The following CARF variants were observed in gnomAD, a reference collection of about 807,000 sequenced individuals.
The protein encoded by CARF is calcium-responsive transcription factor.
A neutral mutation model predicts 82.0 loss-of-function variants in CARF; 57 were observed. The observed-to-expected ratio is 0.70, with a 90% CI of 0.56 to 0.87. The LOEUF (loss-of-function observed/expected upper bound fraction) is 0.87. Ranked by LOEUF, CARF falls within the 40% of genes least tolerant of loss-of-function variation. The pLI is 0.00. For synonymous variants in CARF, 268 were observed against 290.1 expected, an observed-to-expected ratio of 0.92 and a Z score of 0.77; for missense variants, 771 against 855.8, an observed-to-expected ratio of 0.90 and a Z score of 1.24.
intron 16 of CARF, among the ~76,000 whole-genome samples, chr2:202,982,988 C>T (rs546261325): frequency 7.2e-5 from 11 of 152,226 alleles, no homozygotes; most frequent in Non-Finnish European, 4.4e-5. Flanking sequence ...TTGGTTCAAG[C>T]GATCTTCCCA....
rs150256081 is a variant in CARF, at chr2:202,944,661, A to G, written c.306+1694A>G. Among the ~76,000 whole-genome samples the G allele has an allele frequency of 9.7e-3, 1,470 of 152,328 alleles. 30 individuals carry two copies. The highest frequency in any genetic ancestry group is 0.034 in the African/African-American group (1,412 of 41,568). ...CCATACTGCATCACCGGCAGAGGTT[A>G]ATATTCAACAAATAATTTAAATGTT... On this transcript the variant is annotated intron_variant, in intron 5 of 16. Transcript: ENST00000438828.
At chr2:202,940,639 C>T (rs750439743) in intron 3 of CARF, among the ~76,000 whole-genome samples, 2 of 152,186 alleles carry the variant, frequency 1.3e-5, no homozygotes, top group Non-Finnish European at 2.9e-5. Flanking sequence ...TTACACTCTT[C>T]ACCCAGAACC....
chr2:202,961,192 T>C (rs1274184120), intron 8 of CARF, 45 bp from the exon 9 acceptor site: 1 of 1,461,898 alleles, frequency 6.8e-7, no homozygotes, highest in African/African-American at 1.4e-5. Flanking sequence ...TATTATGCAA[T>C]GAAGTGTATT....
intron 3 of CARF, among the ~76,000 whole-genome samples, chr2:202,937,420 C>T (rs1385973129): frequency 6.6e-6 from 1 of 151,650 alleles, no homozygotes; most frequent in Non-Finnish European, 1.5e-5. Context: ...TCAAGCATCT[C>T]AGGACTTTTT....
intron 9 of CARF, 200 bp downstream of exon 9, chr2:202,961,626 G>A: frequency 3.6e-6 from 2 of 551,410 alleles, no homozygotes; most frequent in Non-Finnish European, 6.4e-6. Flanking sequence ...ATATATCAAT[G>A]AATAAATAAG....
intron 5 of CARF, among the ~76,000 whole-genome samples, chr2:202,943,921 C>T (rs1001015071): frequency 6.6e-6 from 1 of 152,198 alleles, no homozygotes; most frequent in African/African-American, 2.4e-5. Flanking sequence ...GCTGGGATTA[C>T]AGGCATGAGC....
chr2:202,958,247 A>ATGTGTGTGTG lies in CARF; in HGVS notation c.642+2490_642+2491insGTGTGTGTGT, dbSNP rs1225523942. 1.7e-3 allele frequency among the ~76,000 whole-genome samples: 46 copies of ATGTGTGTGTG among 26,522 alleles called. 1 individual carries two copies. Among genetic ancestry groups the ATGTGTGTGTG allele is most frequent in the South Asian group, 5.5e-3 (2 of 362 alleles). 17.4% of individuals were successfully genotyped at this position (26,522 alleles called of 152,430 possible). A position where few individuals can be genotyped will look rare whatever the true frequency, so the allele number is the denominator to read the frequency against. The stretch of plus-strand genomic sequence containing the variant: ...GTAGAGTACATGTATGTATATACAT[A>ATGTGTGTGTG]TATGTGTGTGTGTGTGTGTGTGTGT... On this transcript the variant is annotated intron_variant, in intron 8 of 16. Transcript: ENST00000438828.
chr2:202,987,125 T>G lies in CARF; in HGVS notation c.*3501T>G, dbSNP rs2060477167. On this transcript the variant is annotated 3_prime_UTR_variant, in exon 17 of 17. Transcript: ENST00000438828. ...TGAAAGTTTTAAGCATAACTACAAGTAACTCCTGTTAGCATTACATTTTGG... is the reference window on the plus strand; with the variant it reads ...TGAAAGTTTTAAGCATAACTACAAGGAACTCCTGTTAGCATTACATTTTGG... 1 of 151,544 alleles carries G rather than the reference T, an allele frequency of 6.6e-6. No individual in the cohort carries two copies. The highest frequency in any genetic ancestry group is 1.5e-5 in the Non-Finnish European group (1 of 67,904). The allele number at this position is 151,544 out of a possible 1,614,324, so 9.4% of individuals were successfully genotyped here.
intron 7 of CARF, among the ~76,000 whole-genome samples, chr2:202,954,562 A>C (rs1484948939): frequency 6.6e-6 from 1 of 151,802 alleles, no homozygotes; most frequent in Non-Finnish European, 1.5e-5. Flanking sequence ...AAAATACAAA[A>C]ATTAGCTGGG....
chr2:202,936,896 C>T (rs976201645), intron 3 of CARF, among the ~76,000 whole-genome samples: 6 of 152,150 alleles, frequency 3.9e-5, no homozygotes, highest in African/African-American at 1.4e-4. Flanking sequence ...TGAAGATTTA[C>T]CCCTATGTTT....
chr2:202,925,188 C>CG, intron 3 of CARF: 3 of 326,616 alleles, frequency 9.2e-6, no homozygotes, highest in Non-Finnish European at 1.8e-5. Context: ...TTTAAATAAC[C>CG]AAGCCTACAG....
intron 2 of CARF, among the ~76,000 whole-genome samples, chr2:202,922,979 C>T (rs1458557851): frequency 2.6e-5 from 4 of 152,140 alleles, no homozygotes; most frequent in African/African-American, 9.7e-5. Flanking sequence ...AGGTGGCTCA[C>T]GCCTGTAATC....
chr2:202,973,814 G>A (rs971965162), intron 12 of CARF, among the ~76,000 whole-genome samples: 4 of 152,192 alleles, frequency 2.6e-5, no homozygotes, highest in Non-Finnish European at 5.9e-5. Context: ...TCAGCTGGGC[G>A]TGGTGGCTCA....
intron 7 of CARF, 59 bp downstream of exon 7, chr2:202,954,193 A>G: frequency 6.4e-7 from 1 of 1,563,704 alleles, no homozygotes; most frequent in Non-Finnish European, 8.7e-7. Flanking sequence ...TCTTTTTACA[A>G]ATTACACATT....
At chr2:202,924,942 G>C (rs1691518660) in intron 3 of CARF, 3 of 297,140 alleles carry the variant, frequency 1.0e-5, no homozygotes, top group Non-Finnish European at 2.0e-5. Flanking sequence ...CCCTAAACAA[G>C]TTTGCCCCCT....
chr2:202,929,188 G>A (rs534912980), intron 3 of CARF, among the ~76,000 whole-genome samples: 8 of 152,134 alleles, frequency 5.3e-5, no homozygotes, highest in African/African-American at 1.9e-4. Flanking sequence ...CTGTACAAAA[G>A]CTTTTTAGTT....
At chr2:202,932,439 A>G (rs1693111312) in intron 3 of CARF, among the ~76,000 whole-genome samples, 1 of 151,922 alleles carries the variant, frequency 6.6e-6, no homozygotes, top group Non-Finnish European at 1.5e-5. Context: ...CTGTGATTCT[A>G]CCTCTGAGAG....
chr2:202,953,852 A>G (rs6709618), intron 6 of CARF, among the ~76,000 whole-genome samples, 153 bp from the exon 7 acceptor site: 135,140 of 152,184 alleles, frequency 0.89, 60,688 homozygotes, highest in Non-Finnish European at 0.95. Flanking sequence ...GTAAACAAGT[A>G]TCAGAGAAAT....
chr2:202,937,061 C>G (rs535273865), intron 3 of CARF, among the ~76,000 whole-genome samples: 1 of 152,090 alleles, frequency 6.6e-6, no homozygotes, highest in Non-Finnish European at 1.5e-5. Context: ...AGTATTCTTT[C>G]CTCATCAAAT....
Sources: gnomAD v4.1 joint callset for allele counts (sites outside exome capture counted in the v4.1 genomes callset) on GRCh38, gnomAD v4.1.1 for gene constraint, MANE v1.5 for transcripts, NCBI Gene and HGNC (gene_info 2026-07-23, HGNC 2026-07-21) for gene names.